Variants in SCN1A observed in about 807,000 individuals in gnomAD.
The protein encoded by SCN1A is sodium channel protein type 1 subunit alpha.
A neutral mutation model predicts 193.7 loss-of-function variants in SCN1A; 13 were observed. That is an observed-to-expected ratio of 0.07 (90% CI 0.04 to 0.11). The LOEUF (loss-of-function observed/expected upper bound fraction) is 0.11. SCN1A is among the 10% of genes least tolerant of loss of function. The pLI, the probability that SCN1A is intolerant of heterozygous loss-of-function variation, is 1.00. For missense variants in SCN1A, 1,432 were observed against 2,451.1 expected (o/e 0.58, Z 8.78); for synonymous variants, 781 against 843.6 (o/e 0.93, Z 1.29).
intron 2 of SCN1A, among the ~76,000 whole-genome samples, chr2:166,087,600 G>T (rs1686282428): frequency 6.6e-6 from 1 of 152,016 alleles, no homozygotes. Flanking sequence ...AATAGAAGCT[G>T]ATTCTGGTGC....
intron 23 of SCN1A, among the ~76,000 whole-genome samples, chr2:166,004,297 T>A (rs77599402): frequency 2.3e-3 from 344 of 151,744 alleles, no homozygotes; most frequent in Non-Finnish European, 3.6e-3. Flanking sequence ...CAATGCTGTT[T>A]CTAGTGTGTA....
intron 23 of SCN1A, among the ~76,000 whole-genome samples, chr2:166,006,509 C>G (rs1203107421): frequency 6.6e-6 from 1 of 151,286 alleles, no homozygotes; most frequent in Admixed American, 6.6e-5. Flanking sequence ...TAAATTTTAT[C>G]TTAATACTCA....
chr2:165,988,702 T>C lies in SCN1A; in HGVS notation c.*2543A>G, dbSNP rs1688760277. On this transcript the variant is annotated 3_prime_UTR_variant, in exon 29 of 29. Coordinates refer to ENST00000674923, the MANE Select transcript of SCN1A (RefSeq NM_001165963.4). ...AAGGTAGGAGAGCCCATTTTTGCAA[T>C]GTGTAGAAGTCACCCTTCTGGGACA... The C allele has an allele frequency of 6.6e-6, 1 of 152,172 alleles. No homozygotes were observed. The highest frequency in any genetic ancestry group is 6.5e-5 in the Admixed American group (1 of 15,270). 9.4% of individuals were successfully genotyped at this position (152,172 alleles called of 1,614,324 possible). A position where few individuals can be genotyped will look rare whatever the true frequency, so the allele number is the denominator to read the frequency against.
chr2:166,093,439 C>T (rs757388052), intron 2 of SCN1A, among the ~76,000 whole-genome samples: 2 of 151,882 alleles, frequency 1.3e-5, no homozygotes, highest in Admixed American at 6.6e-5. Context: ...CCCAGGTTCA[C>T]GCCATTCTCC....
Position 166,043,907 on chromosome 2 carries a change from T to A in SCN1A, c.1805A>T (p.Glu602Val). 2 of 1,614,174 alleles carry A rather than the reference T, an allele frequency of 1.2e-6. No individual in the cohort carries two copies. Among genetic ancestry groups the A allele is most frequent in the South Asian group, 1.1e-5 (1 of 91,080 alleles). ...CACAAACAAGGAATCTCTACGGCTC[T>A]CGTTATCCTCAAAGGTGCTGTGCTC... ...DDEHSTFEDN[E>V]SRRDSLFVPR... Residue 602 changes from glutamate (E) to valine (V), a missense_variant, in exon 14 of 29, where the codon GAG (glutamate) becomes GTG (valine). Physicochemically the swap from Glu to Val is moderately radical, Grantham distance 121 (BLOSUM62 -2). This residue lies in a region of SCN1A where 316 missense variants were observed against 362.1 expected (regional missense o/e 0.87). Coordinates refer to ENST00000674923, the MANE Select transcript of SCN1A (RefSeq NM_001165963.4).
intron 2 of SCN1A, among the ~76,000 whole-genome samples, chr2:166,085,218 C>T (rs991189306): frequency 2.3e-4 from 35 of 152,158 alleles, no homozygotes; most frequent in Non-Finnish European, 4.7e-4. Flanking sequence ...ACAATACCCT[C>T]CTTTGGTAGG....
intron 2 of SCN1A, among the ~76,000 whole-genome samples, chr2:166,122,861 G>GA (rs1196517820): frequency 6.6e-6 from 1 of 151,992 alleles, no homozygotes. Context: ...AGTGACAAAA[G>GA]AAAAAAGTTA....
chr2:166,106,310 AT>A (rs1688688372), intron 2 of SCN1A, among the ~76,000 whole-genome samples: 1 of 152,182 alleles, frequency 6.6e-6, no homozygotes, highest in African/African-American at 2.4e-5. Flanking sequence ...ATGTAAGAGA[AT>A]CTAAAGGGTA....
chr2:166,002,350 T>G, intron 24 of SCN1A, 122 bp downstream of exon 24: 1 of 1,086,396 alleles, frequency 9.2e-7, no homozygotes, highest in African/African-American at 1.6e-5. Flanking sequence ...ACTAACAAAT[T>G]GAAATTTTTT....
intron 22 of SCN1A, among the ~76,000 whole-genome samples, chr2:166,011,101 T>C (rs1692377510): frequency 6.6e-6 from 1 of 151,212 alleles, no homozygotes; most frequent in African/African-American, 2.4e-5. Flanking sequence ...GATAAAGCAA[T>C]TCTTCCTTTG....
chr2:165,998,297 T>TC, intron 25 of SCN1A, 122 bp from the exon 26 acceptor site: 1 of 775,696 alleles, frequency 1.3e-6, no homozygotes, highest in East Asian at 2.9e-5. Flanking sequence ...TTTTTTTTTT[T>TC]CTGAATCAAC....
At chr2:166,102,411 G>A (rs1688187451) in intron 2 of SCN1A, among the ~76,000 whole-genome samples, 1 of 151,308 alleles carries the variant, frequency 6.6e-6, no homozygotes, top group Admixed American at 6.6e-5. Context: ...CAGGAGAATG[G>A]CGTGAACCCA....
chr2:166,022,390 G>A (rs776472158), intron 19 of SCN1A, among the ~76,000 whole-genome samples: 3 of 149,204 alleles, frequency 2.0e-5, no homozygotes, highest in Non-Finnish European at 1.5e-5. Flanking sequence ...TAACTAGGTG[G>A]GGGGCGGGGT....
intron 1 of SCN1A, among the ~76,000 whole-genome samples, chr2:166,146,140 C>T (rs571980732): frequency 2.6e-5 from 4 of 152,140 alleles, no homozygotes; most frequent in African/African-American, 4.8e-5. Context: ...AACCACGATG[C>T]CAGGACACAG....
chr2:166,133,229 C>G (rs554775600), intron 1 of SCN1A, among the ~76,000 whole-genome samples: 61 of 152,240 alleles, frequency 4.0e-4, no homozygotes, highest in African/African-American at 1.3e-3. Context: ...TCTGCCTTCC[C>G]TGCTATCGAG....
chr2:166,024,319 G>C (rs1250660465), intron 19 of SCN1A, among the ~76,000 whole-genome samples: 1 of 152,156 alleles, frequency 6.6e-6, no homozygotes, highest in Non-Finnish European at 1.5e-5. Context: ...CCACCTTAGA[G>C]ACAAAGAAAC....
chr2:166,102,074 G>A (rs1293976513), intron 2 of SCN1A, among the ~76,000 whole-genome samples: 2 of 152,086 alleles, frequency 1.3e-5, no homozygotes, highest in African/African-American at 4.8e-5. Context: ...TAAAAAGACA[G>A]TTCTCAAAAG....
intron 23 of SCN1A, 70 bp downstream of exon 23, chr2:166,009,648 TC>T (rs1692139711): frequency 4.8e-6 from 7 of 1,469,164 alleles, no homozygotes; most frequent in African/African-American, 1.4e-5. Context: ...GCATAGATTT[TC>T]CTTTTTCTAA....
intron 1 of SCN1A, among the ~76,000 whole-genome samples, chr2:166,137,031 T>G (rs1691889455): frequency 6.6e-6 from 1 of 152,120 alleles, no homozygotes; most frequent in Non-Finnish European, 1.5e-5. Flanking sequence ...TAACCTACAT[T>G]TTAATACTCC....
Sources: allele counts gnomAD v4.1 joint callset (sites outside exome capture counted in the v4.1 genomes callset), GRCh38; gene constraint gnomAD v4.1.1; regional missense constraint gnomAD v4.1.1; transcripts MANE v1.5; gene names NCBI Gene and HGNC (gene_info 2026-07-23, HGNC 2026-07-21).